Variants in SGCZ observed in about 807,000 individuals in gnomAD.
SGCZ encodes the protein sarcoglycan zeta.
Under a neutral mutation model 41.3 loss-of-function variants are expected in SGCZ, and 40 were observed. The observed-to-expected ratio is 0.97, with a 90% CI of 0.75 to 1.26. The LOEUF is 1.26. Among genes scored for constraint, SGCZ ranks in the 50% most tolerant of loss-of-function variants. SGCZ has a pLI of 0.00. For missense variants in SGCZ, 552 were observed against 369.8 expected (o/e 1.49, Z -4.04); for synonymous variants, 206 against 137.5 (o/e 1.50, Z -3.49).
rs1563212944 is a variant in SGCZ, at chr8:14,702,820, GATAGATAGATAGA to G, written c.40-147907_40-147895del. 7.1e-3 allele frequency among the ~76,000 whole-genome samples: 92 copies of G among 12,908 alleles called. 2 individuals carry two copies. Among genetic ancestry groups the G allele is most frequent in the South Asian group, 0.019 (11 of 576 alleles). 8.5% of individuals were successfully genotyped at this position (12,908 alleles called of 152,430 possible). On this transcript the variant is annotated intron_variant, in intron 1 of 7. Transcript: ENST00000382080. ...AGACAGGTAGGTAGTTAGGTAGATA[GATAGATAGATAGA>G]TAGATAGATAGATAGATAGATAGAT...
rs547522297 is a variant in SGCZ at position 14,357,472 on chromosome 8, G to C, written c.235-33268C>G. On this transcript the variant is annotated intron_variant, in intron 2 of 7. Coordinates refer to ENST00000382080, the MANE Select transcript of SGCZ (RefSeq NM_139167.4). ...ATCAGTGATTCAAATATTCCATTTT[G>C]TCTCTTAGAATGCTATCGCAGTATG... is the stretch of plus-strand genomic sequence containing the variant. Among the ~76,000 whole-genome samples, 3 of 152,272 alleles carry C rather than the reference G, an allele frequency of 2.0e-5. No individual in the cohort carries two copies. The South Asian group carries it at 6.2e-4, about 32-fold the overall frequency.
chr8:14,397,083 C>T lies in SGCZ; in HGVS notation c.235-72879G>A, dbSNP rs7812328. ...ATTTTACCTATTCCTCTCAACGTTA[C>T]GTAAATTTTAATACTGGTACTTACC... On this transcript the variant is annotated intron_variant, in intron 2 of 7. Coordinates refer to ENST00000382080, the MANE Select transcript of SGCZ (RefSeq NM_139167.4). Among the ~76,000 whole-genome samples the T allele has an allele frequency of 5.6e-3, 846 of 152,154 alleles. 4 individuals carry two copies. The highest frequency in any genetic ancestry group is 0.018 in the South Asian group (89 of 4,824).
At chr8:15,193,002 T>G (rs1800590146) in intron 1 of SGCZ, among the ~76,000 whole-genome samples, 2 of 152,112 alleles carry the variant, frequency 1.3e-5, no homozygotes, top group Non-Finnish European at 2.9e-5. Flanking sequence ...GTGGAGATTA[T>G]TTAATGACCA....
chr8:14,509,916 T>C (rs988686629), intron 2 of SGCZ, among the ~76,000 whole-genome samples: 48 of 151,896 alleles, frequency 3.2e-4, no homozygotes, highest in Admixed American at 3.1e-3. Flanking sequence ...AAGAACAGCA[T>C]GGGGGGACAC....
intron 1 of SGCZ, among the ~76,000 whole-genome samples, chr8:15,198,359 A>G (rs936158883): frequency 3.3e-5 from 5 of 152,006 alleles, no homozygotes; most frequent in South Asian, 4.1e-4. Context: ...GTTTCTCATG[A>G]TTCTTTTATA....
At chr8:15,081,176 A>G (rs1414349559) in intron 1 of SGCZ, among the ~76,000 whole-genome samples, 2 of 152,166 alleles carry the variant, frequency 1.3e-5, no homozygotes, top group East Asian at 3.9e-4. Context: ...TCAAGACACT[A>G]AATTTTTTTA....
chr8:14,680,438 T>C (rs552741651), intron 1 of SGCZ, among the ~76,000 whole-genome samples: 10 of 152,270 alleles, frequency 6.6e-5, no homozygotes, highest in Admixed American at 2.6e-4. Context: ...AAACTATGTA[T>C]GCATGGTGGC....
At chr8:15,132,039 T>C (rs1807925738) in intron 1 of SGCZ, among the ~76,000 whole-genome samples, 1 of 152,230 alleles carries the variant, frequency 6.6e-6, no homozygotes, top group Admixed American at 6.5e-5. Context: ...ATCATAATTC[T>C]TTCAATGCAT....
At chr8:14,573,437 C>A (rs560456057) in intron 1 of SGCZ, among the ~76,000 whole-genome samples, 1 of 152,132 alleles carries the variant, frequency 6.6e-6, no homozygotes, top group South Asian at 2.1e-4. Context: ...ATCCGCCCGC[C>A]TCGGCCTCCC....
At chr8:14,535,442 C>T (rs1246430597) in intron 2 of SGCZ, among the ~76,000 whole-genome samples, 2 of 151,846 alleles carry the variant, frequency 1.3e-5, no homozygotes, top group Non-Finnish European at 2.9e-5. Flanking sequence ...TAAAAGGTCA[C>T]ACCATGGATT....
chr8:14,593,970 T>A (rs1161732961), intron 1 of SGCZ, among the ~76,000 whole-genome samples: 1 of 151,578 alleles, frequency 6.6e-6, no homozygotes, highest in Middle Eastern at 3.2e-3. Context: ...AGGTCAGGAG[T>A]TCGAGAGCAG....
intron 1 of SGCZ, among the ~76,000 whole-genome samples, chr8:15,225,819 G>T (rs561294125): frequency 6.6e-6 from 1 of 152,224 alleles, no homozygotes; most frequent in African/African-American, 2.4e-5. Context: ...ATCATGAACA[G>T]GTCTTGCCTC....
chr8:14,885,219 T>A (rs1389919824), intron 1 of SGCZ, among the ~76,000 whole-genome samples: 4 of 152,176 alleles, frequency 2.6e-5, no homozygotes, highest in South Asian at 2.1e-4. Flanking sequence ...GGTCCAGTCA[T>A]CCCTTGAGGA....
At chr8:14,289,107 A>C (rs1320241603) in intron 3 of SGCZ, among the ~76,000 whole-genome samples, 1 of 151,962 alleles carries the variant, frequency 6.6e-6, no homozygotes, top group East Asian at 1.9e-4. Context: ...TTATTTGTAC[A>C]TTTTGTAACT....
intron 1 of SGCZ, among the ~76,000 whole-genome samples, chr8:14,927,886 G>C (rs1799805686): frequency 1.3e-5 from 2 of 152,124 alleles, no homozygotes. Flanking sequence ...GAGGGAGAAA[G>C]ACGCCATGGA....
intron 2 of SGCZ, among the ~76,000 whole-genome samples, chr8:14,339,499 A>G (rs1337099445): frequency 6.6e-6 from 1 of 152,210 alleles, no homozygotes; most frequent in Non-Finnish European, 1.5e-5. Context: ...TTCAGTACAA[A>G]ATTCAGAATC....
intron 5 of SGCZ, among the ~76,000 whole-genome samples, chr8:14,155,064 G>C (rs1050825394): frequency 6.6e-6 from 1 of 152,190 alleles, no homozygotes; most frequent in African/African-American, 2.4e-5. Context: ...TTGCTACAGA[G>C]AAATAGATAA....
chr8:14,561,194 C>T (rs1510429), intron 1 of SGCZ, among the ~76,000 whole-genome samples: 24,708 of 152,032 alleles, frequency 0.16, 2,066 homozygotes, highest in South Asian at 0.2. Context: ...ACAACTTTAG[C>T]TTTAAATGTT....
At chr8:15,219,066 G>A (rs899000138) in intron 1 of SGCZ, among the ~76,000 whole-genome samples, 7 of 152,104 alleles carry the variant, frequency 4.6e-5, no homozygotes, top group Admixed American at 2.6e-4. Context: ...TCCACGATTA[G>A]GAAGATAAAG....
Sources: gnomAD v4.1 joint callset for allele counts (sites outside exome capture counted in the v4.1 genomes callset) on GRCh38, gnomAD v4.1.1 for gene constraint, MANE v1.5 for transcripts, NCBI Gene and HGNC (gene_info 2026-07-23, HGNC 2026-07-21) for gene names.